Variants in NAV1 observed in about 807,000 individuals in gnomAD.
NAV1 encodes the protein pore membrane and/or filament interacting like protein 3.
Under a neutral mutation model 175.2 loss-of-function variants are expected in NAV1, and 18 were observed. The observed-to-expected ratio is 0.10, with a 90% CI of 0.07 to 0.15. The LOEUF (loss-of-function observed/expected upper bound fraction) is 0.15, where lower values mean the gene tolerates loss of function less well. NAV1 is among the 10% of genes least tolerant of loss of function. NAV1 has a pLI of 1.00. For missense variants in NAV1, 1,731 were observed against 2,436.6 expected, an observed-to-expected ratio of 0.71 and a Z score of 6.10; for synonymous variants, 897 against 978.7, an observed-to-expected ratio of 0.92 and a Z score of 1.56.
At chr1:201,555,256 T>C (rs1287722580) in intron 1 of NAV1, among the ~76,000 whole-genome samples, 11 of 152,198 alleles carry the variant, frequency 7.2e-5, no homozygotes, top group African/African-American at 2.4e-4. Context: ...TGCCACAAGA[T>C]TGAATGAGGC....
chr1:201,758,147 T>G (rs1025760168), intron 3 of NAV1, among the ~76,000 whole-genome samples: 4 of 152,130 alleles, frequency 2.6e-5, no homozygotes, highest in Non-Finnish European at 5.9e-5. Context: ...CCAGATAGGG[T>G]CCTTGATAAG....
intron 1 of NAV1, among the ~76,000 whole-genome samples, chr1:201,573,582 A>T (rs1211785677): frequency 6.6e-6 from 1 of 152,084 alleles, no homozygotes; most frequent in Admixed American, 6.5e-5. Context: ...ACCCTCCATC[A>T]TGACAGAGGG....
At chr1:201,693,465 G>A (rs367546989) in intron 1 of NAV1, among the ~76,000 whole-genome samples, 57 of 152,234 alleles carry the variant, frequency 3.7e-4, no homozygotes, top group African/African-American at 1.4e-3. Flanking sequence ...CTGCGAGGGT[G>A]TGGATGGAGC....
intron 15 of NAV1, among the ~76,000 whole-genome samples, chr1:201,800,085 G>C (rs910812179): frequency 3.3e-5 from 5 of 151,682 alleles, no homozygotes; most frequent in African/African-American, 1.2e-4. Flanking sequence ...CTGCAGCCTC[G>C]ATCCCTGGGA....
chr1:201,737,785 T>C (rs1435469154), intron 3 of NAV1, among the ~76,000 whole-genome samples: 3 of 152,190 alleles, frequency 2.0e-5, no homozygotes, highest in Non-Finnish European at 4.4e-5. Context: ...AGCTTACAGC[T>C]AGATCTGGAG....
At chr1:201,698,931 G>A (rs1201593573) in intron 1 of NAV1, among the ~76,000 whole-genome samples, 1 of 152,174 alleles carries the variant, frequency 6.6e-6, no homozygotes, top group Admixed American at 6.5e-5. Flanking sequence ...GGCCTCAGTG[G>A]CAGGGCCCCA....
chr1:201,710,195 A>T (rs1210159310), intron 1 of NAV1, among the ~76,000 whole-genome samples: 3 of 150,946 alleles, frequency 2.0e-5, no homozygotes, highest in Non-Finnish European at 2.9e-5. Flanking sequence ...TCCTAACGTG[A>T]CATGTATGTA....
At chr1:201,759,058 A>G (rs1045692852) in intron 3 of NAV1, among the ~76,000 whole-genome samples, 6 of 152,240 alleles carry the variant, frequency 3.9e-5, no homozygotes, top group African/African-American at 9.6e-5. Flanking sequence ...AGTGCTTGGC[A>G]TACATATTTA....
intron 1 of NAV1, among the ~76,000 whole-genome samples, chr1:201,676,561 C>G (rs753483247): frequency 6.6e-6 from 1 of 150,922 alleles, no homozygotes; most frequent in Non-Finnish European, 1.5e-5. Context: ...AGAGCTGACT[C>G]GCAGGAAATA....
intron 2 of NAV1, among the ~76,000 whole-genome samples, chr1:201,611,235 G>T (rs1281941464): frequency 6.6e-6 from 1 of 152,212 alleles, no homozygotes; most frequent in African/African-American, 2.4e-5. Context: ...ACCAGGCCCA[G>T]CTGAATGGCC....
chr1:201,602,131 C>T (rs1219781604), intron 2 of NAV1, among the ~76,000 whole-genome samples: 1 of 152,176 alleles, frequency 6.6e-6, no homozygotes, highest in African/African-American at 2.4e-5. Context: ...GAACATGCCA[C>T]CAGCATCAGA....
At chr1:201,642,969 T>G (rs1668846536) in intron 2 of NAV1, among the ~76,000 whole-genome samples, 1 of 151,708 alleles carries the variant, frequency 6.6e-6, no homozygotes, top group Admixed American at 6.6e-5. Flanking sequence ...AGAGAAGGGG[T>G]TTCACCGTGT....
At chr1:201,657,781 C>T (rs927474583) in intron 1 of NAV1, among the ~76,000 whole-genome samples, 3 of 152,194 alleles carry the variant, frequency 2.0e-5, no homozygotes, top group African/African-American at 7.2e-5. Flanking sequence ...CCTGTAATCC[C>T]AGCACTTTGG....
intron 28 of NAV1, 183 bp from the exon 33 acceptor site, chr1:201,816,905 C>T (rs980417607): frequency 2.9e-5 from 17 of 592,874 alleles, no homozygotes; most frequent in Non-Finnish European, 4.5e-5. Flanking sequence ...AACTTCTGAC[C>T]TCAAGTGATC....
intron 13 of NAV1, chr1:201,793,555 A>G (rs1004230343): frequency 4.1e-6 from 2 of 489,858 alleles, no homozygotes; most frequent in African/African-American, 3.9e-5. Context: ...GCCTCTGGAA[A>G]CCTGCCCTAC....
At chr1:201,752,265 G>A (rs1674165380) in intron 3 of NAV1, among the ~76,000 whole-genome samples, 1 of 152,152 alleles carries the variant, frequency 6.6e-6, no homozygotes, top group Admixed American at 6.5e-5. Flanking sequence ...CCATGGTGAG[G>A]GTGACAACTC....
rs755661669 is a variant in NAV1, at chr1:201,780,448, T to C, written c.1254T>C (p.Ser418=). Residue 418 remains serine (S), a synonymous_variant, in exon 4 of 30, where the codon AGT becomes AGC. Transcript: ENST00000367296. ...GGGATGAAAGCAGCTCCATCAGTAGTGGACTCAGCGATGCCTCAGACAATC... is the reference window on the plus strand; with the variant it reads ...GGGATGAAAGCAGCTCCATCAGTAGCGGACTCAGCGATGCCTCAGACAATC... The C allele has an allele frequency of 3.7e-6, 6 of 1,614,222 alleles. No homozygotes were observed. In the East Asian group the frequency reaches 6.7e-5, roughly 18 times the overall value.
chr1:201,774,003 C>G (rs1193338700), intron 3 of NAV1, among the ~76,000 whole-genome samples: 1 of 152,202 alleles, frequency 6.6e-6, no homozygotes, highest in Non-Finnish European at 1.5e-5. Flanking sequence ...CCATTTCTGT[C>G]GTACATCAGT....
At position 201,539,650 on chromosome 1, in the gene NAV1, C is replaced by G. The variant is rs1052439546; in HGVS notation, c.-144+308C>G. 2.6e-5 allele frequency among the ~76,000 whole-genome samples: 4 copies of G among 152,170 alleles called. No individual in the cohort carries two copies. The highest frequency in any genetic ancestry group is 1.3e-4 in the Admixed American group (2 of 15,288). ...TTCAGTCCCTCTGAGCCTCAGTTTC[C>G]TTGTTGTGAAATACCCACAATTTAA... On this transcript the variant is annotated intron_variant, in intron 1 of 33. Transcript: ENST00000685211. The surrounding 1 kb of genome is among the most constrained non-coding windows in gnomAD (Gnocchi z 5.6).
Sources: gnomAD v4.1 joint callset for allele counts (sites outside exome capture counted in the v4.1 genomes callset) on GRCh38, gnomAD v4.1.1 for gene constraint, Gnocchi (gnomAD v3.1) non-coding constraint, MANE v1.5 for transcripts, NCBI Gene and HGNC (gene_info 2026-07-23, HGNC 2026-07-21) for gene names.